The following CMTM4 variants were observed in gnomAD, a reference collection of about 807,000 sequenced individuals.
CMTM4 encodes the protein CKLF-like MARVEL transmembrane domain-containing protein 4.
In CMTM4, 8 loss-of-function variants were observed where a neutral mutation model predicts 19.0. The ratio of observed to expected loss-of-function variants is 0.42; its 90% confidence interval spans 0.25 to 0.76. The LOEUF is 0.76. Ranked by LOEUF, CMTM4 falls within the 30% of genes least tolerant of loss-of-function variation. The pLI, the probability that CMTM4 is intolerant of heterozygous loss-of-function variation, is 0.27. For synonymous variants in CMTM4, 106 were observed against 121.1 expected, an observed-to-expected ratio of 0.88 and a Z score of 0.82; for missense variants, 228 against 290.2, an observed-to-expected ratio of 0.79 and a Z score of 1.56.
At chr16:66,612,838 T>G, downstream of CMTM4, 1 of 614,672 alleles carries the variant, frequency 1.6e-6, no homozygotes, top group Non-Finnish European at 2.9e-6. This position sits in a 1 kb window ranked among gnomAD's most constrained non-coding sequence, Gnocchi z 6.0. Flanking sequence ...TTGACCACGC[T>G]GCGTATGAGG....
chr16:66,649,458 C>CTAT (rs1317783130), intron 1 of CMTM4, among the ~76,000 whole-genome samples: 198 of 127,212 alleles, frequency 1.6e-3, no homozygotes, highest in Admixed American at 3.7e-3. Context: ...CTCTATCTAT[C>CTAT]CATCTATCTA....
chr16:66,655,423 T>C (rs2016380963), intron 1 of CMTM4, among the ~76,000 whole-genome samples: 1 of 152,024 alleles, frequency 6.6e-6, no homozygotes, highest in South Asian at 2.1e-4. Context: ...AAATGGCTAA[T>C]TCAGGTCTGG....
At chr16:66,624,340 G>A (rs1471915210) in intron 2 of CMTM4, among the ~76,000 whole-genome samples, 1 of 152,308 alleles carries the variant, frequency 6.6e-6, no homozygotes, top group Non-Finnish European at 1.5e-5. Flanking sequence ...TCATACCAGA[G>A]TACCTCTAAA....
intron 1 of CMTM4, among the ~76,000 whole-genome samples, chr16:66,687,629 T>C (rs1284388047): frequency 6.6e-6 from 1 of 151,990 alleles, no homozygotes; most frequent in African/African-American, 2.4e-5. Flanking sequence ...TCTGTATCAC[T>C]ATCAGTCTGT....
rs548035911 is a variant in CMTM4 at position 66,634,756 on chromosome 16, T to TA, written c.363+1648dup. Among the ~76,000 whole-genome samples, 86 of 150,298 alleles carry TA rather than the reference T, an allele frequency of 5.7e-4. 2 individuals are homozygous for TA. The highest frequency in any genetic ancestry group is 4.9e-3 in the South Asian group (23 of 4,740). ...TACACCCATTACCTCATTTTATACTTAAAAAAAAACCCTGCAAAAAAAAAA... is the reference window on the plus strand; with the variant it reads ...TACACCCATTACCTCATTTTATACTTAAAAAAAAAACCCTGCAAAAAAAAAA... On this transcript the variant is annotated intron_variant, in intron 2 of 3. Coordinates refer to ENST00000394106, the MANE Select transcript of CMTM4 (RefSeq NM_181521.3).
chr16:66,648,727 T>C (rs1426094036), intron 1 of CMTM4, among the ~76,000 whole-genome samples: 1 of 150,786 alleles, frequency 6.6e-6, no homozygotes, highest in African/African-American at 2.4e-5. Flanking sequence ...ATCTCAACAC[T>C]TTGGGAGGCT....
At chr16:66,613,372 G>A (rs1596891896), downstream of CMTM4, 1 of 479,154 alleles carries the variant, frequency 2.1e-6, no homozygotes, top group East Asian at 3.3e-5. Flanking sequence ...CAGTGACAGT[G>A]TCATGGGGAG....
chr16:66,666,380 G>A lies in CMTM4; in HGVS notation c.187-29799C>T, dbSNP rs1189523773. Among the ~76,000 whole-genome samples the A allele has an allele frequency of 2.6e-5, 4 of 151,836 alleles. No individual in the cohort carries two copies. The East Asian group carries it at 5.8e-4, about 22-fold the overall frequency. ...AGGCAGGAGAATGGCGTGAACCCAGGAGGCAGAGCTGGCAGTGAGCCGAGA... is the reference window on the plus strand; with the variant it reads ...AGGCAGGAGAATGGCGTGAACCCAGAAGGCAGAGCTGGCAGTGAGCCGAGA... On this transcript the variant is annotated intron_variant, in intron 1 of 3. Transcript: ENST00000394106.
intron 1 of CMTM4, among the ~76,000 whole-genome samples, chr16:66,649,909 C>T (rs1401968306): frequency 6.6e-6 from 1 of 152,206 alleles, no homozygotes; most frequent in African/African-American, 2.4e-5. Context: ...TCTCCCTCAA[C>T]CCTGATCGTT....
chr16:66,631,382 G>A (rs1212636705), intron 2 of CMTM4, among the ~76,000 whole-genome samples: 1 of 151,926 alleles, frequency 6.6e-6, no homozygotes, highest in Non-Finnish European at 1.5e-5. Flanking sequence ...CGCCCCTACT[G>A]GGAAGTGAGG....
chr16:66,652,987 GCATAAA>G (rs11279843), intron 1 of CMTM4, among the ~76,000 whole-genome samples: 2,442 of 152,264 alleles, frequency 0.016, 64 homozygotes, highest in African/African-American at 0.055. Flanking sequence ...TGCCCTTAAA[GCATAAA>G]CATCTGAAGC....
chr16:66,656,454 C>T (rs960807806), intron 1 of CMTM4, among the ~76,000 whole-genome samples: 2 of 152,144 alleles, frequency 1.3e-5, no homozygotes, highest in Non-Finnish European at 2.9e-5. Flanking sequence ...ACCTCTGCCT[C>T]TCAGTCTCAA....
At chr16:66,657,624 T>C (rs567908062) in intron 1 of CMTM4, among the ~76,000 whole-genome samples, 2 of 152,202 alleles carry the variant, frequency 1.3e-5, no homozygotes, top group Non-Finnish European at 2.9e-5. Context: ...GGTCAAAGCA[T>C]ATATTGTTTT....
At chr16:66,631,706 C>T (rs1211663902) in intron 2 of CMTM4, among the ~76,000 whole-genome samples, 1 of 152,080 alleles carries the variant, frequency 6.6e-6, no homozygotes, top group Non-Finnish European at 1.5e-5. Flanking sequence ...GCAAGATGTG[C>T]TTTGTTAAAC....
intron 1 of CMTM4, among the ~76,000 whole-genome samples, chr16:66,643,290 GCCGGTTCCACGTGTGGTTAAGCTA>G (rs1418794035): frequency 6.6e-6 from 1 of 152,150 alleles, no homozygotes; most frequent in African/African-American, 2.4e-5. Flanking sequence ...GGGTTTAGCT[GCCGGTTCCACGTGTGGTTAAGCTA>G]CCGTAGCACT....
In CMTM4 at chr16:66,619,159, C is replaced by A. The variant is rs2015581786; in HGVS notation, c.*2899G>T. The A allele has an allele frequency of 1.0e-6, 1 of 985,332 alleles. No individual in the cohort carries two copies. Among genetic ancestry groups the A allele is most frequent in the African/African-American group, 1.7e-5 (1 of 57,236 alleles). 61.0% of individuals were successfully genotyped at this position (985,332 alleles called of 1,614,324 possible). On this transcript the variant is annotated 3_prime_UTR_variant, in exon 4 of 4. Coordinates refer to ENST00000394106, the MANE Select transcript of CMTM4 (RefSeq NM_181521.3). ...TCATGACTGTAATCCCTCTTTAAGG[C>A]AGGGAAAACATATTTCCCTCCCATG...
At chr16:66,672,133 C>T (rs2016718642) in intron 1 of CMTM4, among the ~76,000 whole-genome samples, 2 of 151,910 alleles carry the variant, frequency 1.3e-5, no homozygotes, top group Non-Finnish European at 1.5e-5. Context: ...ATGACCAGGC[C>T]GGGCACAGTG....
intron 2 of CMTM4, among the ~76,000 whole-genome samples, chr16:66,635,426 T>C (rs1026196718): frequency 6.6e-5 from 10 of 152,198 alleles, no homozygotes; most frequent in African/African-American, 2.4e-4. Context: ...AAGGAGGACC[T>C]TCCCCACCCA....
intron 1 of CMTM4, among the ~76,000 whole-genome samples, chr16:66,639,960 G>A (rs1185363601): frequency 6.6e-6 from 1 of 152,202 alleles, no homozygotes; most frequent in African/African-American, 2.4e-5. Flanking sequence ...GGAAGTTGCA[G>A]TGAGTGGAGA....
Sources: allele counts gnomAD v4.1 joint callset (sites outside exome capture counted in the v4.1 genomes callset), GRCh38; gene constraint gnomAD v4.1.1; non-coding constraint Gnocchi (gnomAD v3.1); transcripts MANE v1.5; gene names NCBI Gene and HGNC (gene_info 2026-07-23, HGNC 2026-07-21).